RABGAP1L: variants seen among roughly 807,000 people sequenced by gnomAD.
The protein encoded by RABGAP1L is RAB GTPase activating protein 1 like, also known as rab GTPase-activating protein 1-like.
RABGAP1L carries 63 observed loss-of-function variants against 137.7 expected under a neutral mutation model. That is an observed-to-expected ratio of 0.46 (90% CI 0.37 to 0.56). The LOEUF (loss-of-function observed/expected upper bound fraction) is 0.56, where lower values mean the gene tolerates loss of function less well. Among genes scored for constraint, RABGAP1L ranks in the 20% least tolerant of loss-of-function variants. The pLI is 0.00. For missense variants in RABGAP1L, 1,095 were observed against 1,244.0 expected (o/e 0.88, Z 1.80); for synonymous variants, 431 against 433.7 (o/e 0.99, Z 0.08).
rs576289713 is a variant in RABGAP1L, at chr1:174,646,981, TG to T, written c.1824+9496del. ...TTATTCTCTTTGTAGCAATTGTGAA[TG>T]GGAGTTTACTCATGATTTGGCTGTT... is the stretch of plus-strand genomic sequence containing the variant. On this transcript the variant is annotated intron_variant, in intron 14 of 25. Coordinates refer to ENST00000681986, the MANE Select transcript of RABGAP1L (RefSeq NM_001366446.1). Among the ~76,000 whole-genome samples, 544 of 152,268 alleles carry T rather than the reference TG, an allele frequency of 3.6e-3. 8 individuals are homozygous for T. Among genetic ancestry groups the T allele is most frequent in the African/African-American group, 0.011 (466 of 41,530 alleles).
At chr1:174,308,409 C>T (rs1226156121) in intron 11 of RABGAP1L, among the ~76,000 whole-genome samples, 1 of 151,914 alleles carries the variant, frequency 6.6e-6, no homozygotes, top group Non-Finnish European at 1.5e-5. Flanking sequence ...TCTATTTTTG[C>T]TTTTGTTCCT....
chr1:174,369,710 AT>A (rs2148994753), intron 11 of RABGAP1L, among the ~76,000 whole-genome samples: 1 of 152,306 alleles, frequency 6.6e-6, no homozygotes, highest in South Asian at 2.1e-4. Flanking sequence ...TGTTATTTTC[AT>A]GATGAACTTA....
intron 11 of RABGAP1L, among the ~76,000 whole-genome samples, chr1:174,357,390 TTCC>T (rs1683728251): frequency 6.6e-6 from 1 of 152,166 alleles, no homozygotes; most frequent in African/African-American, 2.4e-5. Context: ...TGTGAACATA[TTCC>T]AAAAATAAAG....
chr1:174,800,634 T>G, intron 18 of RABGAP1L: 1 of 1,339,060 alleles, frequency 7.5e-7, no homozygotes, highest in South Asian at 1.5e-5. Context: ...AAGGAAATGC[T>G]GAGTGGCCAC....
rs181436818 is a variant in RABGAP1L at position 174,486,539 on chromosome 1, G to T, written c.1710+92394G>T. Among the ~76,000 whole-genome samples, 223 of 151,782 alleles carry T rather than the reference G, an allele frequency of 1.5e-3. 1 individual carries two copies. Among genetic ancestry groups the T allele is most frequent in the African/African-American group, 5.2e-3 (214 of 41,412 alleles). On this transcript the variant is annotated intron_variant, in intron 13 of 25. Transcript: ENST00000681986. Reference sequence around the variant, plus strand: ...TTTTTCGTATTTTTAGTAGAGACACGGTTTCACTGTGTTCACCAGGATGGT... The same window carrying T: ...TTTTTCGTATTTTTAGTAGAGACACTGTTTCACTGTGTTCACCAGGATGGT...
intron 24 of RABGAP1L, among the ~76,000 whole-genome samples, chr1:174,988,312 A>C (rs1281001687): frequency 2.0e-5 from 3 of 152,204 alleles, no homozygotes; most frequent in East Asian, 1.9e-4. Context: ...ATTAAGTGAA[A>C]TACTACAAGT....
intron 14 of RABGAP1L, among the ~76,000 whole-genome samples, chr1:174,666,446 G>A (rs1410229077): frequency 1.3e-5 from 2 of 152,156 alleles, no homozygotes; most frequent in Non-Finnish European, 2.9e-5. Context: ...TTAGAAATTG[G>A]AGAAACATGT....
intron 13 of RABGAP1L, among the ~76,000 whole-genome samples, chr1:174,595,945 TC>T (rs1280075385): frequency 9.7e-6 from 1 of 103,132 alleles, no homozygotes; most frequent in East Asian, 2.2e-4. Context: ...CGGGCGCCCC[TC>T]CCCCAGCCTC....
intron 19 of RABGAP1L, among the ~76,000 whole-genome samples, chr1:174,873,675 T>A (rs1355771479): frequency 6.6e-6 from 1 of 151,440 alleles, no homozygotes; most frequent in East Asian, 2.0e-4. Context: ...CACGCCTGGC[T>A]AATTTTTGTA....
In RABGAP1L at chr1:174,852,313, A is replaced by C. The variant is rs750327196; in HGVS notation, c.2340+40353A>C. Among the ~76,000 whole-genome samples, 50 of 152,200 alleles carry C rather than the reference A, an allele frequency of 3.3e-4. 1 individual carries two copies. Among genetic ancestry groups the C allele is most frequent in the Non-Finnish European group, 8.8e-5 (6 of 68,040 alleles). On this transcript the variant is annotated intron_variant, in intron 19 of 25. Transcript: ENST00000681986. ...CACAACAGAAATGCTGCAAGTCAGCATCAGGAGTCCATAGCATCCATCATC... is the reference window on the plus strand; with the variant it reads ...CACAACAGAAATGCTGCAAGTCAGCCTCAGGAGTCCATAGCATCCATCATC...
In RABGAP1L at chr1:174,202,336, T is replaced by G. The variant is rs530862958; in HGVS notation, c.-33-16789T>G. 3.9e-3 allele frequency among the ~76,000 whole-genome samples: 593 copies of G among 152,246 alleles called. 4 individuals are homozygous for G. The highest frequency in any genetic ancestry group is 0.012 in the African/African-American group (512 of 41,556). ...TGTTGTTTCCTGACTTTTTAATGAT[T>G]CCCATTCTAACTGGTGTGAGATGGT... On this transcript the variant is annotated intron_variant, in intron 1 of 25. Transcript: ENST00000681986.
intron 13 of RABGAP1L, among the ~76,000 whole-genome samples, chr1:174,506,611 CA>C (rs912280866): frequency 3.3e-5 from 5 of 151,934 alleles, no homozygotes; most frequent in East Asian, 1.9e-4. Context: ...CTCTATACAA[CA>C]AAAAAATGAT....
chr1:174,631,428 G>C (rs1242117555), intron 13 of RABGAP1L, among the ~76,000 whole-genome samples: 1 of 105,786 alleles, frequency 9.5e-6, no homozygotes, highest in Non-Finnish European at 1.7e-5. Flanking sequence ...GCAGAGCTGA[G>C]TTCAATTCCT....
At chr1:174,403,206 AGAGTGTGTGTGTGTGTGT>A (rs2149107487) in intron 13 of RABGAP1L, among the ~76,000 whole-genome samples, 1 of 92,018 alleles carries the variant, frequency 1.1e-5, no homozygotes, top group Non-Finnish European at 2.3e-5. Flanking sequence ...GTTATATATG[AGAGTGTGTGTGTGTGTGT>A]GTGTGTGTGT....
chr1:174,822,243 T>C (rs1691107497), intron 19 of RABGAP1L, among the ~76,000 whole-genome samples: 1 of 152,172 alleles, frequency 6.6e-6, no homozygotes, highest in Non-Finnish European at 1.5e-5. Flanking sequence ...GCCTGGGCAA[T>C]GGAACAAGAC....
intron 1 of RABGAP1L, among the ~76,000 whole-genome samples, chr1:174,189,366 C>G (rs939524576): frequency 2.6e-5 from 4 of 152,164 alleles, no homozygotes; most frequent in African/African-American, 7.2e-5. Flanking sequence ...TTTAATGAAG[C>G]CACATTTATC....
intron 3 of RABGAP1L, among the ~76,000 whole-genome samples, chr1:174,227,356 A>G (rs1479866792): frequency 6.6e-6 from 1 of 151,304 alleles, no homozygotes; most frequent in Non-Finnish European, 1.5e-5. Flanking sequence ...GCATGCCACC[A>G]TGCCCAGCTA....
chr1:174,219,115 GT>G lies in RABGAP1L; in HGVS notation c.-33-5del, dbSNP rs749592606. ...TAGGTTTTTTTTTTTAATCCCTTTT[GT>G]TTTTCCAGGTGGTTGTGGGAAGAGA... On this transcript the variant is annotated splice_polypyrimidine_tract_variant and intron_variant, in intron 1 of 25. Coordinates refer to ENST00000681986, the MANE Select transcript of RABGAP1L (RefSeq NM_001366446.1). 2.0e-6 allele frequency: 3 copies of G among 1,514,454 alleles called. No homozygotes were observed. The highest frequency in any genetic ancestry group is 2.7e-6 in the Non-Finnish European group (3 of 1,125,186). 93.8% of individuals were successfully genotyped at this position (1,514,454 alleles called of 1,614,324 possible).
chr1:174,774,578 G>C (rs1002345465), intron 18 of RABGAP1L, among the ~76,000 whole-genome samples: 1 of 151,516 alleles, frequency 6.6e-6, no homozygotes, highest in Admixed American at 6.6e-5. Flanking sequence ...TAGAAAGAGA[G>C]TGCATAAAAG....
Sources: allele counts gnomAD v4.1 joint callset (sites outside exome capture counted in the v4.1 genomes callset), GRCh38; gene constraint gnomAD v4.1.1; transcripts MANE v1.5; gene names NCBI Gene and HGNC (gene_info 2026-07-23, HGNC 2026-07-21).